Variants in TSEN15 observed in about 807,000 individuals in gnomAD.
TSEN15 encodes the protein tRNA splicing endonuclease subunit 15.
TSEN15 carries 10 observed loss-of-function variants against 20.5 expected under a neutral mutation model. The observed-to-expected ratio is 0.49, with a 90% CI of 0.30 to 0.83. The LOEUF (loss-of-function observed/expected upper bound fraction) is 0.83, where lower values mean the gene tolerates loss of function less well. Among genes scored for constraint, TSEN15 ranks in the 40% least tolerant of loss-of-function variants. The pLI is 0.06. For synonymous variants in TSEN15, 72 were observed against 80.1 expected (o/e 0.90, Z 0.54); for missense variants, 180 against 218.6 (o/e 0.82, Z 1.11).
At chr1:184,056,578 T>C (rs1248703453) in intron 3 of TSEN15, among the ~76,000 whole-genome samples, 1 of 152,168 alleles carries the variant, frequency 6.6e-6, no homozygotes, top group African/African-American at 2.4e-5. Context: ...ATCAACGTCT[T>C]TGTGTCTAGT....
chr1:184,075,266 C>CA (rs1021599001), downstream of TSEN15, among the ~76,000 whole-genome samples: 2 of 151,986 alleles, frequency 1.3e-5, no homozygotes, highest in African/African-American at 4.8e-5. Context: ...TTGTTCTGTC[C>CA]AAAGCCAGCC....
chr1:184,054,732 A>C lies in TSEN15; in HGVS notation c.222A>C (p.Lys74Asn). 1 of 1,611,068 alleles carries C rather than the reference A, an allele frequency of 6.2e-7. No homozygotes were observed. The highest frequency in any genetic ancestry group is 8.5e-7 in the Non-Finnish European group (1 of 1,179,520). Reference sequence around the variant, plus strand: ...CATTCAATGATGCTCTTTCAGGCAAAAGCTGGCATGAAGTAAACTGTGTAG... The same window carrying C: ...CATTCAATGATGCTCTTTCAGGCAACAGCTGGCATGAAGTAAACTGTGTAG... The part of the protein sequence containing the change: ...FLVYLDLMES[K>N]SWHEVNCVGL... Residue 74 changes from lysine (K) to asparagine (N), a missense_variant, in exon 3 of 5, where the codon AAA becomes AAC. Physicochemically the swap from Lys to Asn is moderately conservative, Grantham distance 94 (BLOSUM62 0). This residue lies in a region of TSEN15 where 76 missense variants were observed against 123.4 expected (regional missense o/e 0.62). Transcript: ENST00000645668.
intron 3 of TSEN15, among the ~76,000 whole-genome samples, chr1:184,079,711 G>C (rs979885233): frequency 2.0e-5 from 3 of 152,086 alleles, no homozygotes; most frequent in Admixed American, 2.0e-4. Flanking sequence ...CTCCCTAAAG[G>C]CCTTATCCCC....
chr1:184,055,167 G>A lies in TSEN15; in HGVS notation c.353+304G>A, dbSNP rs189945605. On this transcript the variant is annotated intron_variant, in intron 3 of 4. Coordinates refer to ENST00000645668, the MANE Select transcript of TSEN15 (RefSeq NM_052965.4). ...TCGGCTTCTAGGGAGGCCTCAGGAA[G>A]CTTATAATCATGGAGGAAGTTCGTG... is the stretch of plus-strand genomic sequence containing the variant. The A allele has an allele frequency of 8.1e-4, 181 of 223,430 alleles. 1 individual carries two copies. The highest frequency in any genetic ancestry group is 3.9e-3 in the African/African-American group (172 of 44,358). 13.8% of individuals were successfully genotyped at this position (223,430 alleles called of 1,614,324 possible). A position where few individuals can be genotyped will look rare whatever the true frequency, so the allele number is the denominator to read the frequency against.
chr1:184,073,898 T>A lies in TSEN15; in HGVS notation c.*1051T>A, dbSNP rs1650996090. 6.6e-6 allele frequency: 1 copy of A among 152,156 alleles called. No individual in the cohort carries two copies. The highest frequency in any genetic ancestry group is 1.5e-5 in the Non-Finnish European group (1 of 68,026). 9.4% of individuals were successfully genotyped at this position (152,156 alleles called of 1,614,324 possible). ...TTTGTTTACAAATGTGGTGCCATAG[T>A]TTGTCATCCCTGGGTCTAGGAAATA... On this transcript the variant is annotated 3_prime_UTR_variant, in exon 5 of 5. Coordinates refer to ENST00000645668, the MANE Select transcript of TSEN15 (RefSeq NM_052965.4).
At chr1:184,059,500 T>C (rs1184815485) in intron 3 of TSEN15, among the ~76,000 whole-genome samples, 1 of 152,202 alleles carries the variant, frequency 6.6e-6, no homozygotes, top group East Asian at 1.9e-4. Flanking sequence ...TTCTAATGAA[T>C]AGCCTTGTGA....
At position 184,054,485 on chromosome 1, in the gene TSEN15, T is replaced by TG. The variant is rs558559751; in HGVS notation, c.217+56dup. The TG allele has an allele frequency of 7.0e-6, 10 of 1,425,346 alleles. No homozygotes were observed. In the Admixed American group the frequency reaches 1.2e-4, roughly 18 times the overall value. 88.3% of individuals were successfully genotyped at this position (1,425,346 alleles called of 1,614,324 possible). A position where few individuals can be genotyped will look rare whatever the true frequency, so the allele number is the denominator to read the frequency against. ...TGTTATTGGGACTGTGGTAGAGATTTGGGGGGTTGGATTGGGATATAGCAT... is the reference window on the plus strand; with the variant it reads ...TGTTATTGGGACTGTGGTAGAGATTTGGGGGGGTTGGATTGGGATATAGCAT... On this transcript the variant is annotated intron_variant, in intron 2 of 4. Coordinates refer to ENST00000645668, the MANE Select transcript of TSEN15 (RefSeq NM_052965.4).
chr1:184,072,945 A>C lies in TSEN15; in HGVS notation c.*98A>C. The C allele has an allele frequency of 8.1e-7, 1 of 1,229,412 alleles. No individual in the cohort carries two copies. The highest frequency in any genetic ancestry group is 1.2e-6 in the Non-Finnish European group (1 of 867,840). The allele number at this position is 1,229,412 out of a possible 1,614,324, so 76.2% of individuals were successfully genotyped here. ...TATCTCAGAAATAGGGTTGACGTAC[A>C]TAGTGAGGGTTGACTTCCCCATTCC... On this transcript the variant is annotated 3_prime_UTR_variant, in exon 5 of 5. Coordinates refer to ENST00000645668, the MANE Select transcript of TSEN15 (RefSeq NM_052965.4).
chr1:184,060,509 G>A (rs1650414109), intron 3 of TSEN15, among the ~76,000 whole-genome samples: 1 of 152,184 alleles, frequency 6.6e-6, no homozygotes, highest in South Asian at 2.1e-4. Context: ...GTCATTGAAG[G>A]GCTTTAAGCA....
chr1:184,052,428 G>A (rs1261798262), intron 1 of TSEN15, among the ~76,000 whole-genome samples: 3 of 152,106 alleles, frequency 2.0e-5, no homozygotes, highest in Non-Finnish European at 2.9e-5. Flanking sequence ...CACATTTTGC[G>A]TGTATTTTTC....
chr1:184,064,331 G>T (rs1011506964), intron 3 of TSEN15, among the ~76,000 whole-genome samples: 1 of 152,120 alleles, frequency 6.6e-6, no homozygotes, highest in African/African-American at 2.4e-5. Context: ...ACATGAGCAA[G>T]GTATTGAGGG....
intron 3 of TSEN15, among the ~76,000 whole-genome samples, chr1:184,091,947 G>C (rs575673165): frequency 2.6e-5 from 4 of 152,292 alleles, no homozygotes; most frequent in Admixed American, 2.0e-4. Context: ...AAAAACCTAA[G>C]ATATGTTGCA....
intron 3 of TSEN15, among the ~76,000 whole-genome samples, chr1:184,067,923 T>TC (rs1650730916): frequency 5.6e-5 from 2 of 35,468 alleles, no homozygotes; most frequent in African/African-American, 3.7e-4. Flanking sequence ...ACTCTCTCTC[T>TC]CAAAAAAAAA....
intron 3 of TSEN15, among the ~76,000 whole-genome samples, chr1:184,093,320 A>G (rs759774179): frequency 6.6e-6 from 1 of 152,192 alleles, no homozygotes; most frequent in Non-Finnish European, 1.5e-5. Context: ...GGTCAGCAAC[A>G]TACACTGCCC....
chr1:184,085,293 A>T (rs749964195), intron 3 of TSEN15, among the ~76,000 whole-genome samples: 2 of 152,162 alleles, frequency 1.3e-5, no homozygotes, highest in Non-Finnish European at 2.9e-5. Flanking sequence ...GGAATGAATA[A>T]ATTAAAAAAC....
At position 184,073,640 on chromosome 1, in the gene TSEN15, T is replaced by A. The variant is rs919835672; in HGVS notation, c.*793T>A. 3 of 152,596 alleles carry A rather than the reference T, an allele frequency of 2.0e-5. No homozygotes were observed. The highest frequency in any genetic ancestry group is 4.4e-5 in the Non-Finnish European group (3 of 68,038). The allele number at this position is 152,596 out of a possible 1,614,324, so 9.5% of individuals were successfully genotyped here. On this transcript the variant is annotated 3_prime_UTR_variant, in exon 5 of 5. Transcript: ENST00000645668. ...TCAAATTGTACAAAGTATAAAAAAT[T>A]ATATGCACAAAGATGTTCCAAGTGA...
chr1:184,094,832 T>A, intron 3 of TSEN15: 1 of 390,324 alleles, frequency 2.6e-6, no homozygotes, highest in Non-Finnish European at 4.5e-6. Flanking sequence ...GACAGTAGGG[T>A]AGGGGATGAG....
downstream of TSEN15, among the ~76,000 whole-genome samples, chr1:184,077,575 T>C (rs907611949): frequency 9.9e-5 from 15 of 152,156 alleles, no homozygotes; most frequent in Non-Finnish European, 1.9e-4. Flanking sequence ...TAGTTACTCC[T>C]GTTATGGATC....
chr1:184,080,252 G>C (rs913084571), intron 3 of TSEN15, among the ~76,000 whole-genome samples: 3 of 152,138 alleles, frequency 2.0e-5, no homozygotes, highest in African/African-American at 7.2e-5. Flanking sequence ...CCTATATCTT[G>C]ATGCTCACAA....
Sources: gnomAD v4.1 joint callset for allele counts (sites outside exome capture counted in the v4.1 genomes callset) on GRCh38, gnomAD v4.1.1 for gene constraint, gnomAD v4.1.1 regional missense constraint, MANE v1.5 for transcripts, NCBI Gene and HGNC (gene_info 2026-07-23, HGNC 2026-07-21) for gene names.